Variants in CSRNP3 observed in about 807,000 individuals in gnomAD.
CSRNP3 encodes the protein cysteine and serine rich nuclear protein 3, also known as cysteine/serine-rich nuclear protein 3.
A neutral mutation model predicts 48.0 loss-of-function variants in CSRNP3; 12 were observed. The ratio of observed to expected loss-of-function variants is 0.25; its 90% CI spans 0.16 to 0.41. The LOEUF is 0.41. Among genes scored for constraint, CSRNP3 ranks in the 10% least tolerant of loss-of-function variants. The pLI is 1.00. For synonymous variants in CSRNP3, 263 were observed against 269.7 expected (o/e 0.98, Z 0.24); for missense variants, 580 against 724.4 (o/e 0.80, Z 2.29).
Position 165,681,760 on chromosome 2 carries a change from T to TATATATATATATATACAC in CSRNP3, c.*2008_*2009insTATATATATATATACACA, listed in dbSNP as rs1291170889. 6.7e-5 allele frequency: 3 copies of TATATATATATATATACAC among 44,726 alleles called. No homozygotes were observed. Among genetic ancestry groups the TATATATATATATATACAC allele is most frequent in the Admixed American group, 2.0e-4 (1 of 5,070 alleles). 2.8% of individuals were successfully genotyped at this position (44,726 alleles called of 1,614,324 possible). ...ATATATATATATATATATATATATA[T>TATATATATATATATACAC]ACACACACACACACACATACACATA... On this transcript the variant is annotated 3_prime_UTR_variant, in exon 7 of 7. Coordinates refer to ENST00000651982, the MANE Select transcript of CSRNP3 (RefSeq NM_001172173.2).
intron 5 of CSRNP3, among the ~76,000 whole-genome samples, chr2:165,673,880 G>A (rs920476098): frequency 2.0e-5 from 3 of 152,030 alleles, no homozygotes; most frequent in Admixed American, 2.0e-4. Flanking sequence ...AATTAGCTGG[G>A]CATGGTGGCA....
At chr2:165,642,904 T>A (rs1372496299) in intron 4 of CSRNP3, among the ~76,000 whole-genome samples, 1 of 152,200 alleles carries the variant, frequency 6.6e-6, no homozygotes, top group Non-Finnish European at 1.5e-5. Context: ...TGCTCTGTGC[T>A]GTATTCTGTC....
intron 3 of CSRNP3, among the ~76,000 whole-genome samples, chr2:165,568,258 T>C (rs1424531888): frequency 6.6e-6 from 1 of 152,046 alleles, no homozygotes; most frequent in Non-Finnish European, 1.5e-5. Context: ...ACTTTGCCCA[T>C]ACCTCTTATC....
chr2:165,516,012 G>A (rs936863781), intron 2 of CSRNP3, among the ~76,000 whole-genome samples: 3 of 151,920 alleles, frequency 2.0e-5, no homozygotes, highest in African/African-American at 7.2e-5. Context: ...CACCATGTTG[G>A]CCAGGCTGCT....
At chr2:165,514,552 C>G (rs944421842) in intron 2 of CSRNP3, among the ~76,000 whole-genome samples, 8 of 152,218 alleles carry the variant, frequency 5.3e-5, no homozygotes, top group African/African-American at 1.4e-4. Flanking sequence ...CACAGTCTTA[C>G]ACAGTCAGTG....
chr2:165,614,496 T>A (rs1686197358), intron 4 of CSRNP3, among the ~76,000 whole-genome samples: 1 of 152,202 alleles, frequency 6.6e-6, no homozygotes, highest in African/African-American at 2.4e-5. Context: ...GGCATCCTTG[T>A]CTTTTTCCCG....
intron 3 of CSRNP3, among the ~76,000 whole-genome samples, chr2:165,559,108 G>A (rs1355509756): frequency 1.3e-5 from 2 of 152,028 alleles, no homozygotes; most frequent in East Asian, 3.9e-4. Flanking sequence ...AATATGCAAA[G>A]AAGAAAAAAG....
rs1465654828 is a variant in CSRNP3 at position 165,678,856 on chromosome 2, G to A, written c.861G>A (p.Thr287=). 12 of 1,614,000 alleles carry A rather than the reference G, an allele frequency of 7.4e-6. No homozygotes were observed. The highest frequency in any genetic ancestry group is 1.0e-5 in the Non-Finnish European group (12 of 1,179,990). Residue 287 remains threonine, a synonymous_variant, in exon 7 of 7, where the codon ACG becomes ACA. Coordinates refer to ENST00000651982, the MANE Select transcript of CSRNP3 (RefSeq NM_001172173.2). ...AAAACCGAGAGCAGCAAATCCCCAC[G>A]CTGAATGGCTGCCACAGTGAGATAA... ...LEKNREQQIP[T]LNGCHSEISA... is the part of the protein sequence containing the mutation.
chr2:165,639,411 C>T (rs959423728), intron 4 of CSRNP3, among the ~76,000 whole-genome samples: 4 of 152,082 alleles, frequency 2.6e-5, no homozygotes, highest in East Asian at 1.9e-4. Context: ...CAAATAAATT[C>T]GGAATCTATA....
chr2:165,492,405 A>G (rs991096300), intron 1 of CSRNP3, among the ~76,000 whole-genome samples: 2 of 152,066 alleles, frequency 1.3e-5, no homozygotes, highest in African/African-American at 2.4e-5. Context: ...GTCTGACCTT[A>G]TCACCCACTG....
At chr2:165,508,374 A>G (rs962153453) in intron 2 of CSRNP3, among the ~76,000 whole-genome samples, 2 of 152,148 alleles carry the variant, frequency 1.3e-5, no homozygotes, top group Admixed American at 6.6e-5. Context: ...ACTTCCCTGA[A>G]TAAGTCTCTT....
At chr2:165,609,801 G>T (rs1686105500) in intron 4 of CSRNP3, among the ~76,000 whole-genome samples, 1 of 152,134 alleles carries the variant, frequency 6.6e-6, no homozygotes, top group Admixed American at 6.6e-5. Flanking sequence ...GAGTGGGAGA[G>T]AAGCCTGGAA....
chr2:165,531,651 A>G (rs928139937), intron 3 of CSRNP3, among the ~76,000 whole-genome samples: 18 of 152,246 alleles, frequency 1.2e-4, no homozygotes, highest in Non-Finnish European at 5.9e-5. Context: ...TAAAAGAACT[A>G]GAAAAGCAAG....
intron 4 of CSRNP3, among the ~76,000 whole-genome samples, chr2:165,603,550 A>G (rs1446667306): frequency 6.6e-6 from 1 of 151,210 alleles, no homozygotes; most frequent in Non-Finnish European, 1.5e-5. Context: ...TTTTAACCTC[A>G]TCTCTTGTTT....
At chr2:165,472,818 C>T (rs1313253707) in intron 1 of CSRNP3, among the ~76,000 whole-genome samples, 3 of 151,956 alleles carry the variant, frequency 2.0e-5, no homozygotes, top group African/African-American at 7.2e-5. Context: ...AATAAAGCAC[C>T]ACATGCTTAA....
intron 3 of CSRNP3, among the ~76,000 whole-genome samples, chr2:165,557,416 TATC>T (rs1249481457): frequency 6.6e-6 from 1 of 152,178 alleles, no homozygotes; most frequent in Non-Finnish European, 1.5e-5. Context: ...TGGTTTATAG[TATC>T]ATATCTGTGA....
chr2:165,607,726 T>G (rs192110701), intron 4 of CSRNP3, among the ~76,000 whole-genome samples: 41 of 152,296 alleles, frequency 2.7e-4, no homozygotes, highest in Non-Finnish European at 5.4e-4. Context: ...CTTTCCCTAG[T>G]GCATCAGTTG....
At chr2:165,500,589 C>G (rs1400361806) in intron 2 of CSRNP3, among the ~76,000 whole-genome samples, 1 of 151,844 alleles carries the variant, frequency 6.6e-6, no homozygotes, top group Non-Finnish European at 1.5e-5. Context: ...TTCTGAGTAG[C>G]TGGGATTACA....
At chr2:165,492,284 G>A (rs1448234129) in intron 1 of CSRNP3, among the ~76,000 whole-genome samples, 1 of 152,076 alleles carries the variant, frequency 6.6e-6, no homozygotes, top group Non-Finnish European at 1.5e-5. Context: ...CTAGATCTTG[G>A]CACTATACTA....
Sources: allele counts gnomAD v4.1 joint callset (sites outside exome capture counted in the v4.1 genomes callset), GRCh38; gene constraint gnomAD v4.1.1; transcripts MANE v1.5; gene names NCBI Gene and HGNC (gene_info 2026-07-23, HGNC 2026-07-21).